Variants in CMSS1 observed in about 807,000 individuals in gnomAD.
CMSS1 encodes the protein protein CMSS1.
In CMSS1, 33 loss-of-function variants were observed where a neutral mutation model predicts 43.5. The observed-to-expected ratio is 0.76, with a 90% CI of 0.57 to 1.01. The LOEUF is 1.01. Among genes scored for constraint, CMSS1 ranks in the 50% least tolerant of loss-of-function variants. The pLI is 0.00. For synonymous variants in CMSS1, 115 were observed against 117.2 expected, an observed-to-expected ratio of 0.98 and a Z score of 0.12; for missense variants, 313 against 326.4, an observed-to-expected ratio of 0.96 and a Z score of 0.32.
intron 1 of CMSS1, among the ~76,000 whole-genome samples, chr3:99,976,424 A>G (rs1394666719): frequency 6.6e-6 from 1 of 152,234 alleles, no homozygotes; most frequent in African/African-American, 2.4e-5. Context: ...CATAGATATC[A>G]TGAACTTAGA....
In CMSS1 at chr3:99,933,327, C is replaced by G. The variant is rs189159378; in HGVS notation, c.64+115284C>G. On this transcript the variant is annotated intron_variant, in intron 1 of 9. Transcript: ENST00000421999. ...GTGACAGTAGTTGTCACTGGCTCTTCCCTAGGTAGCCAGGGAAAGGCTCAT... is the reference window on the plus strand; with the variant it reads ...GTGACAGTAGTTGTCACTGGCTCTTGCCTAGGTAGCCAGGGAAAGGCTCAT... Among the ~76,000 whole-genome samples the G allele has an allele frequency of 2.7e-4, 41 of 152,158 alleles. No homozygotes were observed. The East Asian group carries it at 6.9e-3, about 26-fold the overall frequency.
intron 1 of CMSS1, among the ~76,000 whole-genome samples, chr3:99,957,871 A>AGCTGAAATG (rs1708379526): frequency 6.6e-6 from 1 of 150,604 alleles, no homozygotes; most frequent in Admixed American, 6.6e-5. Context: ...GCCTAATAAC[A>AGCTGAAATG]GCTGAAATGT....
At chr3:100,118,299 A>G (rs1435509462) in intron 1 of CMSS1, among the ~76,000 whole-genome samples, 2 of 152,008 alleles carry the variant, frequency 1.3e-5, no homozygotes, top group African/African-American at 2.4e-5. Flanking sequence ...AAAATTTAAC[A>G]TAACATACAC....
chr3:99,902,182 C>T (rs942737896), intron 1 of CMSS1, among the ~76,000 whole-genome samples: 1 of 152,150 alleles, frequency 6.6e-6, no homozygotes, highest in African/African-American at 2.4e-5. Flanking sequence ...GTGTAACTGA[C>T]TCTTAGTATT....
intron 1 of CMSS1, among the ~76,000 whole-genome samples, chr3:99,950,285 T>C (rs1708137568): frequency 6.6e-6 from 1 of 152,238 alleles, no homozygotes; most frequent in African/African-American, 2.4e-5. Context: ...ATGATAGTTA[T>C]ACCAGAGCTC....
intron 1 of CMSS1, among the ~76,000 whole-genome samples, chr3:100,126,866 C>G (rs1215750300): frequency 6.6e-6 from 1 of 151,992 alleles, no homozygotes. Flanking sequence ...GGCGTGGTGG[C>G]GGGCGCCTAT....
chr3:99,994,291 G>T (rs894950543), intron 1 of CMSS1, among the ~76,000 whole-genome samples: 2 of 152,148 alleles, frequency 1.3e-5, no homozygotes, highest in Non-Finnish European at 2.9e-5. Flanking sequence ...AATAGTAGGG[G>T]ACTTTATTGT....
At chr3:99,979,896 G>A (rs1022858916) in intron 1 of CMSS1, among the ~76,000 whole-genome samples, 3 of 152,130 alleles carry the variant, frequency 2.0e-5, no homozygotes, top group African/African-American at 7.2e-5. Context: ...GAGAGAGAGC[G>A]GGACAAAGTG....
chr3:100,021,960 T>TGTGTGTGTGAGAGA (rs1321185364), intron 1 of CMSS1, among the ~76,000 whole-genome samples: 21 of 93,282 alleles, frequency 2.3e-4, no homozygotes, highest in African/African-American at 8.5e-4. Context: ...TGTGTGTGTG[T>TGTGTGTGTGAGAGA]GAGAGAGAGA....
intron 1 of CMSS1, among the ~76,000 whole-genome samples, chr3:100,049,181 G>A (rs1018295214): frequency 1.9e-4 from 29 of 151,996 alleles, no homozygotes; most frequent in African/African-American, 6.8e-4. Flanking sequence ...TATACCTTTG[G>A]GAACACATAT....
At chr3:99,930,036 G>A in intron 1 of CMSS1, 6 of 1,586,906 alleles carry the variant, frequency 3.8e-6, no homozygotes, top group Non-Finnish European at 5.1e-6. Flanking sequence ...GAGCCTGTAG[G>A]AACAAAAAGT....
intron 1 of CMSS1, among the ~76,000 whole-genome samples, chr3:100,039,565 G>C (rs2065166106): frequency 6.6e-6 from 1 of 152,120 alleles, no homozygotes; most frequent in Non-Finnish European, 1.5e-5. Context: ...GGAAAAGCCA[G>C]ATACCAAATA....
chr3:99,981,041 C>G, intron 1 of CMSS1, among the ~76,000 whole-genome samples: 1 of 152,110 alleles, frequency 6.6e-6, no homozygotes, highest in Non-Finnish European at 1.5e-5. Context: ...TAGTGAAATA[C>G]AGGGGTGAGG....
intron 1 of CMSS1, among the ~76,000 whole-genome samples, chr3:99,966,783 C>T (rs1195494564): frequency 2.6e-5 from 4 of 152,094 alleles, no homozygotes; most frequent in Admixed American, 1.3e-4. Context: ...ATATGGGCCA[C>T]GTATACAAGA....
At chr3:99,942,030 C>T (rs566409504) in intron 1 of CMSS1, among the ~76,000 whole-genome samples, 1 of 152,168 alleles carries the variant, frequency 6.6e-6, no homozygotes, top group Admixed American at 6.5e-5. Flanking sequence ...TCCTGGCTAA[C>T]ACGGTGAAAC....
At chr3:99,988,029 C>T (rs1709397668) in intron 1 of CMSS1, among the ~76,000 whole-genome samples, 2 of 152,104 alleles carry the variant, frequency 1.3e-5, no homozygotes, top group African/African-American at 4.8e-5. Context: ...GAAGCTGGTA[C>T]ACCAAAATGT....
intron 1 of CMSS1, chr3:99,924,209 G>A: frequency 6.2e-7 from 1 of 1,606,514 alleles, no homozygotes; most frequent in South Asian, 1.1e-5. Context: ...ATGGGACATT[G>A]TTTGCCCAAA....
At chr3:99,914,765 G>A (rs1455240981) in intron 1 of CMSS1, among the ~76,000 whole-genome samples, 1 of 152,188 alleles carries the variant, frequency 6.6e-6, no homozygotes, top group East Asian at 1.9e-4. Context: ...GGAATGTGAG[G>A]CCATTCAGGA....
chr3:100,125,620 A>G (rs886320245), intron 1 of CMSS1, among the ~76,000 whole-genome samples: 1 of 152,250 alleles, frequency 6.6e-6, no homozygotes, highest in African/African-American at 2.4e-5. Flanking sequence ...GTGCTGGCTT[A>G]AAAGTTTCCA....
Sources: allele counts gnomAD v4.1 joint callset (sites outside exome capture counted in the v4.1 genomes callset), GRCh38; gene constraint gnomAD v4.1.1; transcripts MANE v1.5; gene names NCBI Gene and HGNC (gene_info 2026-07-23, HGNC 2026-07-21).